Variants in SUPT16H observed in about 807,000 individuals in gnomAD.
SUPT16H encodes the protein FACT complex subunit SPT16.
In SUPT16H, 24 loss-of-function variants were observed where a neutral mutation model predicts 136.2. The ratio of observed to expected loss-of-function variants is 0.18; its 90% CI spans 0.13 to 0.25. The LOEUF (loss-of-function observed/expected upper bound fraction) is 0.25, where lower values mean the gene tolerates loss of function less well. Ranked by LOEUF, SUPT16H falls within the 10% of genes least tolerant of loss-of-function variation. SUPT16H has a pLI of 1.00. For synonymous variants in SUPT16H, 415 were observed against 428.2 expected (o/e 0.97, Z 0.38); for missense variants, 623 against 1,270.2 (o/e 0.49, Z 7.74).
rs569127258 is a variant in SUPT16H at position 21,360,748 on chromosome 14, C to T, written c.2056+98G>A. The stretch of plus-strand genomic sequence containing the variant: ...CCATGCTTTAACCAACTGAGCTAAC[C>T]GGCGGATGGCTCTTTGTCATATTTT... On this transcript the variant is annotated intron_variant, in intron 17 of 25. Coordinates refer to ENST00000216297, the MANE Select transcript of SUPT16H (RefSeq NM_007192.4). 5.8e-5 allele frequency: 88 copies of T among 1,514,310 alleles called. No individual in the cohort carries two copies. The Admixed American group carries it at 7.4e-4, about 13-fold the overall frequency. The allele number at this position is 1,514,310 out of a possible 1,614,324, so 93.8% of individuals were successfully genotyped here.
chr14:21,353,356 G>A, intron 25 of SUPT16H, 132 bp downstream of exon 25: 3 of 833,292 alleles, frequency 3.6e-6, no homozygotes, highest in East Asian at 5.2e-5. Flanking sequence ...TTGTATCTGT[G>A]GCTCCAAAGC....
chr14:21,352,160 G>C lies in SUPT16H; in HGVS notation c.*513C>G, dbSNP rs1886323659. On this transcript the variant is annotated 3_prime_UTR_variant, in exon 26 of 26. Coordinates refer to ENST00000216297, the MANE Select transcript of SUPT16H (RefSeq NM_007192.4). The stretch of plus-strand genomic sequence containing the variant: ...CCAATCTGCCTCACTGGCTCAAGCT[G>C]TATGGTTTATCACAACCATTAGCAA... 6.3e-6 allele frequency: 1 copy of C among 159,788 alleles called. No individual in the cohort carries two copies. Among genetic ancestry groups the C allele is most frequent in the South Asian group, 1.7e-4 (1 of 5,818 alleles). 9.9% of individuals were successfully genotyped at this position (159,788 alleles called of 1,614,324 possible). A position where few individuals can be genotyped will look rare whatever the true frequency, so the allele number is the denominator to read the frequency against.
chr14:21,371,763 C>T, intron 3 of SUPT16H, 111 bp downstream of exon 3: 1 of 1,305,196 alleles, frequency 7.7e-7, no homozygotes, highest in African/African-American at 1.5e-5. Flanking sequence ...ATTACAACCA[C>T]AGCCACCTAT....
chr14:21,377,681 T>C (rs1168619803), intron 1 of SUPT16H, among the ~76,000 whole-genome samples: 1 of 151,808 alleles, frequency 6.6e-6, no homozygotes, highest in African/African-American at 2.4e-5. Flanking sequence ...TGGAGTGCAA[T>C]GGCACGATCT....
chr14:21,371,859 T>C lies in SUPT16H; in HGVS notation c.330+15A>G. The C allele has an allele frequency of 1.9e-6, 3 of 1,612,160 alleles. No individual in the cohort carries two copies. The highest frequency in any genetic ancestry group is 1.7e-4 in the Middle Eastern group (1 of 6,040). The stretch of plus-strand genomic sequence containing the variant: ...ATTCTTCCACATTTATGACACATTC[T>C]TTATTAATCCTGACCTTTTCTCGTA... On this transcript the variant is annotated intron_variant, in intron 3 of 25. Transcript: ENST00000216297.
At chr14:21,364,037 C>G (rs1377120743) in intron 10 of SUPT16H, among the ~76,000 whole-genome samples, 2 of 152,142 alleles carry the variant, frequency 1.3e-5, no homozygotes, top group Non-Finnish European at 2.9e-5. Context: ...TGATTTGAAG[C>G]CTGGCTCAGT....
At chr14:21,376,471 T>A (rs535345539) in intron 1 of SUPT16H, among the ~76,000 whole-genome samples, 1 of 152,296 alleles carries the variant, frequency 6.6e-6, no homozygotes, top group East Asian at 1.9e-4. Context: ...AACTGAGTGT[T>A]CTGTTGTATT....
At chr14:21,356,549 T>C (rs1886437883) in intron 22 of SUPT16H, among the ~76,000 whole-genome samples, 1 of 152,108 alleles carries the variant, frequency 6.6e-6, no homozygotes, top group South Asian at 2.1e-4. Flanking sequence ...TCCAACTAAC[T>C]TGACTGCATC....
chr14:21,363,406 C>A (rs749091588), intron 11 of SUPT16H, 32 bp downstream of exon 11: 1 of 1,610,890 alleles, frequency 6.2e-7, no homozygotes, highest in South Asian at 1.1e-5. Flanking sequence ...ATATCCTAAA[C>A]TTCCTATACT....
intron 3 of SUPT16H, among the ~76,000 whole-genome samples, chr14:21,371,465 G>C (rs534775421): frequency 2.0e-5 from 3 of 152,206 alleles, no homozygotes; most frequent in Non-Finnish European, 4.4e-5. Context: ...AAACACATAA[G>C]TGAACAATAT....
intron 22 of SUPT16H, chr14:21,354,914 T>C (rs1461000158): frequency 2.3e-5 from 4 of 173,082 alleles, no homozygotes; most frequent in Non-Finnish European, 5.0e-5. Context: ...TTCTTTGCAC[T>C]ATGCCACCAG....
At chr14:21,359,752 G>T in intron 18 of SUPT16H, 143 bp from the exon 19 acceptor site, 1 of 937,600 alleles carries the variant, frequency 1.1e-6, no homozygotes, top group Non-Finnish European at 1.5e-6. Context: ...AAATAATGAT[G>T]CTTGGGAATG....
rs767585887 is a variant in SUPT16H, at chr14:21,352,807, T to A, written c.3010A>T (p.Ser1004Cys). 6.2e-7 allele frequency: 1 copy of A among 1,614,074 alleles called. No individual in the cohort carries two copies. Among genetic ancestry groups the A allele is most frequent in the Non-Finnish European group, 8.5e-7 (1 of 1,179,996 alleles). Reference sequence around the variant, plus strand: ...TGTTCTTCTTCTTCCTCGTAACGACTTTCTCGGTCCGCTAAATAGAAGAGG... The same window carrying A: ...TGTTCTTCTTCTTCCTCGTAACGACATTCTCGGTCCGCTAAATAGAAGAGG... ...EEEARKADRE[S>C]RYEEEEEQSR... is the part of the protein sequence containing the mutation. Residue 1004 changes from serine (S) to cysteine (C), a missense_variant, in exon 26 of 26, where the codon AGT becomes TGT. Ser to Cys is a moderately radical substitution (Grantham distance 112). Transcript: ENST00000216297.
chr14:21,370,509 A>T, intron 3 of SUPT16H, 21 bp from the exon 4 acceptor site: 1 of 1,612,806 alleles, frequency 6.2e-7, no homozygotes, highest in Non-Finnish European at 8.5e-7. Flanking sequence ...CATAGGGAAG[A>T]AAAGACACAT....
At chr14:21,366,630 A>T (rs1886674131) in intron 7 of SUPT16H, 101 bp from the exon 8 acceptor site, 3 of 1,136,730 alleles carry the variant, frequency 2.6e-6, no homozygotes, top group Non-Finnish European at 2.5e-6. Context: ...AGTGTTTCTC[A>T]AAGTGTGAAC....
At chr14:21,360,639 C>A (rs1343166842) in intron 17 of SUPT16H, 106 bp from the exon 18 acceptor site, 1 of 1,188,816 alleles carries the variant, frequency 8.4e-7, no homozygotes, top group African/African-American at 1.5e-5. Flanking sequence ...ACACCAACAG[C>A]TGTATAGAGC....
At position 21,370,487 on chromosome 14, in the gene SUPT16H, T is replaced by G. The variant is rs774344417; in HGVS notation, c.332A>C (p.Asn111Thr). The G allele has an allele frequency of 1.7e-5, 27 of 1,613,864 alleles. No homozygotes were observed. The highest frequency in any genetic ancestry group is 2.2e-5 in the Non-Finnish European group (26 of 1,179,978). ...PAITLLIREK[N>T]ESNKSSFDKM... ...GTCAAAGCTACTCTTATTACTTTCA[T>G]TCTGTCAGTGTCATAGGGAAGAAAA... is the stretch of plus-strand genomic sequence containing the variant. The change falls in exon 4 of 26, where the codon AAT becomes ACT. Residue 111 changes from asparagine to threonine, a missense_variant and splice_region_variant. By Grantham distance (65) the Asn-to-Thr change is moderately conservative. Transcript: ENST00000216297.
At position 21,352,835 on chromosome 14, in the gene SUPT16H, TTA is replaced by T; in HGVS notation, c.2999-19_2999-18del. 1 of 1,614,078 alleles carries T rather than the reference TTA, an allele frequency of 6.2e-7. No homozygotes were observed. ...CTCGGTCCGCTAAATAGAAGAGGCA[TTA>T]TTAGTTAGCAATAGGTAAGCTTTAG... On this transcript the variant is annotated intron_variant, in intron 25 of 25. Coordinates refer to ENST00000216297, the MANE Select transcript of SUPT16H (RefSeq NM_007192.4).
rs180727584 is a variant in SUPT16H at position 21,370,228 on chromosome 14, C to T, written c.483+108G>A. The T allele has an allele frequency of 3.6e-6, 5 of 1,377,772 alleles. No homozygotes were observed. In the East Asian group the frequency reaches 1.2e-4, roughly 32 times the overall value. The allele number at this position is 1,377,772 out of a possible 1,614,324, so 85.3% of individuals were successfully genotyped here. A position where few individuals can be genotyped will look rare whatever the true frequency, so the allele number is the denominator to read the frequency against. On this transcript the variant is annotated intron_variant, in intron 4 of 25. Coordinates refer to ENST00000216297, the MANE Select transcript of SUPT16H (RefSeq NM_007192.4). ...TCAGCCAAAGGGGATAAAATGTAAA[C>T]AAACATACAGTTTTCCCAAAACAAA...
Sources: gnomAD v4.1 joint callset for allele counts (sites outside exome capture counted in the v4.1 genomes callset) on GRCh38, gnomAD v4.1.1 for gene constraint, MANE v1.5 for transcripts, NCBI Gene and HGNC (gene_info 2026-07-23, HGNC 2026-07-21) for gene names.